SENP6: variants seen among roughly 807,000 people sequenced by gnomAD.
SENP6 encodes SUMO specific peptidase 6, also known as sentrin-specific protease 6.
Under a neutral mutation model 134.5 loss-of-function variants are expected in SENP6, and 41 were observed. The observed-to-expected ratio is 0.30, with a 90% CI of 0.24 to 0.40. The LOEUF is 0.40. SENP6 is among the 10% of genes least tolerant of loss of function. The pLI, the probability that SENP6 is intolerant of heterozygous loss-of-function variation, is 1.00. For missense variants in SENP6, 1,248 were observed against 1,312.5 expected (o/e 0.95, Z 0.76); for synonymous variants, 395 against 429.8 (o/e 0.92, Z 1.00).
chr6:75,648,722 TTC>T (rs371368432), intron 7 of SENP6, among the ~76,000 whole-genome samples: 3 of 152,336 alleles, frequency 2.0e-5, no homozygotes, highest in East Asian at 1.9e-4. Context: ...TCAGCATTTA[TTC>T]TGTTATACCT....
rs556663062 is a variant in SENP6, at chr6:75,642,021, A to G, written c.479+1317A>G. Among the ~76,000 whole-genome samples the G allele has an allele frequency of 3.9e-5, 6 of 152,346 alleles. No individual in the cohort carries two copies. The South Asian group carries it at 6.2e-4, about 16-fold the overall frequency. ...TGCTATGTGATGGCTCTGCATGGGC[A>G]TGGTGGCCAGTGCTTCAGTTTTGAC... On this transcript the variant is annotated intron_variant, in intron 6 of 23. Transcript: ENST00000447266.
chr6:75,689,006 C>T (rs769934392), intron 16 of SENP6, among the ~76,000 whole-genome samples: 11 of 152,074 alleles, frequency 7.2e-5, no homozygotes, highest in Admixed American at 6.6e-4. Flanking sequence ...GTGGAGGTTG[C>T]GGGGAGCCGA....
At chr6:75,656,041 C>T (rs983377046) in intron 7 of SENP6, among the ~76,000 whole-genome samples, 1 of 151,920 alleles carries the variant, frequency 6.6e-6, no homozygotes, top group African/African-American at 2.4e-5. Flanking sequence ...GTGGCGAAAC[C>T]CTGTCTCTAC....
intron 3 of SENP6, among the ~76,000 whole-genome samples, chr6:75,632,599 T>C (rs992140094): frequency 1.3e-5 from 2 of 152,220 alleles, no homozygotes; most frequent in Admixed American, 6.5e-5. Flanking sequence ...ATGTTTGTAA[T>C]TGGTTTTCTA....
intron 13 of SENP6, 96 bp downstream of exon 13, chr6:75,676,150 C>G: frequency 1.4e-6 from 1 of 719,940 alleles, no homozygotes; most frequent in South Asian, 2.5e-5. Flanking sequence ...TGACAGATGC[C>G]TTAGGTGTAT....
At chr6:75,650,627 T>C (rs1026608651) in intron 7 of SENP6, among the ~76,000 whole-genome samples, 2 of 152,246 alleles carry the variant, frequency 1.3e-5, no homozygotes, top group African/African-American at 2.4e-5. Flanking sequence ...TTATGAGTAA[T>C]ACTTGTAAAC....
chr6:75,638,622 AT>A (rs57353168), intron 5 of SENP6, among the ~76,000 whole-genome samples: 6 of 29,890 alleles, frequency 2.0e-4, no homozygotes, highest in Admixed American at 5.5e-4. Context: ...ATATATATAT[AT>A]TTTTTTTTTT....
chr6:75,635,696 T>G (rs372955991), intron 5 of SENP6, among the ~76,000 whole-genome samples: 39 of 152,192 alleles, frequency 2.6e-4, no homozygotes, highest in East Asian at 1.5e-3. Context: ...AAGGACAAAT[T>G]ACTGTGCAGA....
intron 1 of SENP6, among the ~76,000 whole-genome samples, chr6:75,602,780 TC>T (rs1052930530): frequency 6.6e-6 from 1 of 152,180 alleles, no homozygotes; most frequent in African/African-American, 2.4e-5. Context: ...GCGAGCCGGT[TC>T]GGCCCAGGGG....
chr6:75,649,238 C>T (rs550252262), intron 7 of SENP6, among the ~76,000 whole-genome samples: 2 of 152,056 alleles, frequency 1.3e-5, no homozygotes, highest in East Asian at 3.9e-4. Flanking sequence ...TCGCTTGAAC[C>T]CAGGAGGCAG....
intron 19 of SENP6, among the ~76,000 whole-genome samples, chr6:75,704,568 C>T (rs921017798): frequency 1.3e-5 from 2 of 152,180 alleles, no homozygotes; most frequent in Admixed American, 1.3e-4. Flanking sequence ...ACATTCAGTT[C>T]CCAGGAGCAG....
rs1775635230 is a variant in SENP6 at position 75,709,644 on chromosome 6, C to T, written c.2820+14C>T. 1 of 1,587,858 alleles carries T rather than the reference C, an allele frequency of 6.3e-7. No individual in the cohort carries two copies. The highest frequency in any genetic ancestry group is 1.3e-5 in the African/African-American group (1 of 74,440). ...CAGGATAACCAGGTAAAACTTAATG[C>T]TTGGCAAAAAGTTCTAATGTTTTAT... is the stretch of plus-strand genomic sequence containing the variant. On this transcript the variant is annotated intron_variant, in intron 20 of 23. Transcript: ENST00000447266.
intron 3 of SENP6, 33 bp downstream of exon 3, chr6:75,623,993 C>T (rs778449391): frequency 2.0e-6 from 3 of 1,516,712 alleles, no homozygotes; most frequent in Non-Finnish European, 2.7e-6. Flanking sequence ...TCTTCTTTTA[C>T]ATTATATACA....
intron 16 of SENP6, among the ~76,000 whole-genome samples, chr6:75,695,190 G>T (rs1774571482): frequency 6.6e-6 from 1 of 151,930 alleles, no homozygotes; most frequent in African/African-American, 2.4e-5. Flanking sequence ...AAGGTTTTTG[G>T]TTTTTTGTGT....
chr6:75,693,385 C>T, intron 16 of SENP6, among the ~76,000 whole-genome samples: 1 of 132,080 alleles, frequency 7.6e-6, no homozygotes, highest in African/African-American at 2.9e-5. Context: ...GCCTGGGAGA[C>T]AGAGTGATAC....
chr6:75,640,733 A>G (rs765649537), intron 6 of SENP6, 29 bp downstream of exon 6: 49 of 1,376,612 alleles, frequency 3.6e-5, no homozygotes, highest in Non-Finnish European at 4.6e-5. Flanking sequence ...AAATTAGAGC[A>G]TGGATATAGT....
chr6:75,647,822 C>A (rs1226533902), intron 7 of SENP6, 21 bp downstream of exon 7: 2 of 1,584,354 alleles, frequency 1.3e-6, no homozygotes, highest in Non-Finnish European at 1.7e-6. Context: ...AGTTTTGTTA[C>A]ACCTGTGAAG....
chr6:75,658,403 CTA>C (rs1771506882), intron 7 of SENP6, among the ~76,000 whole-genome samples: 3 of 151,818 alleles, frequency 2.0e-5, no homozygotes, highest in Admixed American at 1.3e-4. Context: ...ATATAGGAAA[CTA>C]GAAGTATTTA....
Position 75,666,928 on chromosome 6 carries a change from G to A in SENP6, c.1211G>A (p.Arg404Lys). The change falls in exon 10 of 24, where the codon AGA (arginine) becomes AAA (lysine). Residue 404 changes from arginine (R) to lysine (K), a missense_variant. By Grantham distance (26) the Arg-to-Lys change is conservative (BLOSUM62 2). This residue lies in a region of SENP6 where 733 missense variants were observed against 725.4 expected (regional missense o/e 1.01). Coordinates refer to ENST00000447266, the MANE Select transcript of SENP6 (RefSeq NM_015571.4). The part of the protein sequence containing the change: ...LNTVTLPRKA[R>K]MKDQFGNSII... ...ACAGTTACATTGCCAAGAAAAGCAA[G>A]AATGAAAGACCAGGTACTTTTCACT... 6.3e-7 allele frequency: 1 copy of A among 1,598,090 alleles called. No homozygotes were observed. The highest frequency in any genetic ancestry group is 8.6e-7 in the Non-Finnish European group (1 of 1,167,886).
Sources: gnomAD v4.1 joint callset for allele counts (sites outside exome capture counted in the v4.1 genomes callset) on GRCh38, gnomAD v4.1.1 for gene constraint, gnomAD v4.1.1 regional missense constraint, MANE v1.5 for transcripts, NCBI Gene and HGNC (gene_info 2026-07-23, HGNC 2026-07-21) for gene names.